Variants in GAPVD1 observed in about 807,000 individuals in gnomAD.
GAPVD1 encodes the protein GTPase activating protein and VPS9 domains 1, also known as GTPase-activating protein and VPS9 domain-containing protein 1.
In GAPVD1, 35 loss-of-function variants were observed where a neutral mutation model predicts 155.5. The ratio of observed to expected loss-of-function variants is 0.23; its 90% CI spans 0.17 to 0.30. The LOEUF (loss-of-function observed/expected upper bound fraction) is 0.30. Ranked by LOEUF, GAPVD1 falls within the 10% of genes least tolerant of loss-of-function variation. The probability of loss-of-function intolerance (pLI) is 1.00; values close to 1 mark genes in which losing one functional copy is unlikely to be tolerated. For missense variants in GAPVD1, 1,429 were observed against 1,775.7 expected, an observed-to-expected ratio of 0.80 and a Z score of 3.51; for synonymous variants, 636 against 619.7, an observed-to-expected ratio of 1.03 and a Z score of -0.39.
In GAPVD1 at chr9:125,367,167, A is replaced by G. The variant is rs921965310; in HGVS notation, c.*4421A>G. 1 of 152,218 alleles carries G rather than the reference A, an allele frequency of 6.6e-6. No individual in the cohort carries two copies. The highest frequency in any genetic ancestry group is 2.4e-5 in the African/African-American group (1 of 41,462). 9.4% of individuals were successfully genotyped at this position (152,218 alleles called of 1,614,324 possible). ...TGTGATTAGTACTGTAAAATATTCT[A>G]TAAAACTGATTAAAAGGGGAGAGCA... On this transcript the variant is annotated 3_prime_UTR_variant, in exon 28 of 28. Transcript: ENST00000297933.
chr9:125,338,949 GTGTGTGTGTATA>G (rs893985315), intron 17 of GAPVD1, among the ~76,000 whole-genome samples: 17 of 149,456 alleles, frequency 1.1e-4, no homozygotes, highest in African/African-American at 3.7e-4. Context: ...GTGTGTGTGT[GTGTGTGTGTATA>G]TATATTTTTT....
At chr9:125,293,493 A>G (rs1838930381) in intron 2 of GAPVD1, among the ~76,000 whole-genome samples, 1 of 146,976 alleles carries the variant, frequency 6.8e-6, no homozygotes, top group Admixed American at 7.0e-5. Context: ...CTTGTTGGCC[A>G]GGCTGGAGTG....
At chr9:125,309,093 A>G (rs1467453468) in intron 8 of GAPVD1, 1 of 152,150 alleles carries the variant, frequency 6.6e-6, no homozygotes, top group African/African-American at 2.4e-5. Flanking sequence ...GTTCTTTTTA[A>G]TTTATGCATT....
intron 9 of GAPVD1, among the ~76,000 whole-genome samples, chr9:125,314,328 A>C (rs1236195112): frequency 6.6e-6 from 1 of 152,182 alleles, no homozygotes; most frequent in Admixed American, 6.6e-5. Flanking sequence ...AATCATTTTT[A>C]ATATATTTGT....
At chr9:125,267,476 A>G (rs939657440) in intron 1 of GAPVD1, among the ~76,000 whole-genome samples, 4 of 152,048 alleles carry the variant, frequency 2.6e-5, no homozygotes, top group Admixed American at 6.6e-5. Context: ...CTGGAGTACA[A>G]TGGCACAATC....
At chr9:125,358,544 G>A (rs1294065731) in intron 25 of GAPVD1, among the ~76,000 whole-genome samples, 1 of 152,212 alleles carries the variant, frequency 6.6e-6, no homozygotes, top group East Asian at 1.9e-4. Flanking sequence ...TCCTCGGGGT[G>A]TGGGTTATGT....
chr9:125,341,241 G>C lies in GAPVD1; in HGVS notation c.2942G>C (p.Arg981Pro). The change falls in exon 18 of 28, where the codon CGT becomes CCT. Residue 981 changes from arginine to proline, a missense_variant. Arg to Pro is a moderately radical substitution (Grantham distance 103). Around this residue, in one of 4 missense-constraint regions of GAPVD1, gnomAD observed 699 missense variants for 826.0 expected, o/e 0.85. Transcript: ENST00000297933. ...SDRNRPWWRK[R>P]FVSAMPKAPI... is the part of the protein sequence containing the mutation. ...AGGAACAGACCTTGGTGGAGAAAAC[G>C]TTTTGTTTCAGCCATGCCTAAAGGT... The C allele has an allele frequency of 3.8e-6, 6 of 1,585,742 alleles. No individual in the cohort carries two copies. Among genetic ancestry groups the C allele is most frequent in the Non-Finnish European group, 5.2e-6 (6 of 1,157,518 alleles).
In GAPVD1 at chr9:125,317,372, T is replaced by C. The variant is rs182912589; in HGVS notation, c.1603-4061T>C. Among the ~76,000 whole-genome samples the C allele has an allele frequency of 1.8e-3, 275 of 150,062 alleles. 5 individuals are homozygous for C. Among genetic ancestry groups the C allele is most frequent in the Admixed American group, 0.014 (206 of 15,078 alleles). On this transcript the variant is annotated intron_variant, in intron 9 of 27. Transcript: ENST00000297933. Reference sequence around the variant, plus strand: ...GCCGGGCGGTGGCTCACGCCTGTAATCCCAGCACTCTGGGAGGCTGAGGTG... The same window carrying C: ...GCCGGGCGGTGGCTCACGCCTGTAACCCCAGCACTCTGGGAGGCTGAGGTG...
At chr9:125,361,159 G>A (rs1003784229) in intron 27 of GAPVD1, among the ~76,000 whole-genome samples, 6 of 152,038 alleles carry the variant, frequency 3.9e-5, no homozygotes, top group Admixed American at 2.6e-4. Context: ...ATGAGCCACC[G>A]CGCCCAGCCA....
intron 11 of GAPVD1, 77 bp downstream of exon 11, chr9:125,324,000 A>G (rs1299920128): frequency 7.5e-7 from 1 of 1,340,230 alleles, no homozygotes; most frequent in Non-Finnish European, 1.0e-6. Context: ...TGTTTTCATT[A>G]AGTTGGCTTG....
At chr9:125,284,484 T>C (rs1233300674) in intron 2 of GAPVD1, among the ~76,000 whole-genome samples, 1 of 151,866 alleles carries the variant, frequency 6.6e-6, no homozygotes, top group Non-Finnish European at 1.5e-5. Flanking sequence ...GGCAACTTTT[T>C]TTTTTTTTAA....
In GAPVD1 at chr9:125,367,083, C is replaced by T. The variant is rs1186204572; in HGVS notation, c.*4337C>T. 1 of 152,200 alleles carries T rather than the reference C, an allele frequency of 6.6e-6. No homozygotes were observed. Among genetic ancestry groups the T allele is most frequent in the Non-Finnish European group, 1.5e-5 (1 of 68,042 alleles). 9.4% of individuals were successfully genotyped at this position (152,200 alleles called of 1,614,324 possible). On this transcript the variant is annotated 3_prime_UTR_variant, in exon 28 of 28. Transcript: ENST00000297933. ...AAACAGATAAAACCTTTCTATAAGT[C>T]TCAATTAATGAGCTTGCACAATCTT...
At chr9:125,349,625 G>C (rs1171032711) in intron 21 of GAPVD1, 106 bp downstream of exon 21, 2 of 946,506 alleles carry the variant, frequency 2.1e-6, no homozygotes, top group Non-Finnish European at 3.2e-6. Context: ...ATAAAGCAGG[G>C]AGAGAAAAAT....
At chr9:125,332,084 G>C in intron 14 of GAPVD1, 24 bp downstream of exon 14, 1 of 1,611,844 alleles carries the variant, frequency 6.2e-7, no homozygotes, top group Non-Finnish European at 8.5e-7. Flanking sequence ...GTTTTAAGGA[G>C]TAGGGATTTG....
intron 9 of GAPVD1, among the ~76,000 whole-genome samples, chr9:125,313,434 G>C (rs12335640): frequency 1.5e-4 from 23 of 151,780 alleles, no homozygotes; most frequent in African/African-American, 5.6e-4. Context: ...CTCCCAAGTA[G>C]CTGGGACTAC....
At chr9:125,262,739 G>C (rs1381267085) in intron 1 of GAPVD1, among the ~76,000 whole-genome samples, 4 of 152,152 alleles carry the variant, frequency 2.6e-5, no homozygotes, top group African/African-American at 9.7e-5. Context: ...TTCATTGATG[G>C]ATAGAATTAG....
intron 8 of GAPVD1, among the ~76,000 whole-genome samples, chr9:125,311,996 A>G (rs1259745968): frequency 6.6e-6 from 1 of 152,252 alleles, no homozygotes. Context: ...CTAGGATTAC[A>G]GGAGTAATCC....
Position 125,362,937 on chromosome 9 carries a change from C to T in GAPVD1, c.*191C>T. On this transcript the variant is annotated 3_prime_UTR_variant, in exon 28 of 28. Transcript: ENST00000297933. Reference sequence around the variant, plus strand: ...GGTTCTCTCGTCTTTGGGCTCTTTCCTTTCTGAGTTGCATATTCTATTTTC... The same window carrying T: ...GGTTCTCTCGTCTTTGGGCTCTTTCTTTTCTGAGTTGCATATTCTATTTTC... The T allele has an allele frequency of 2.6e-6, 1 of 379,574 alleles. No individual in the cohort carries two copies. The allele number at this position is 379,574 out of a possible 1,614,324, so 23.5% of individuals were successfully genotyped here. A position where few individuals can be genotyped will look rare whatever the true frequency, so the allele number is the denominator to read the frequency against.
rs1180770682 is a variant in GAPVD1 at position 125,362,753 on chromosome 9, C to G, written c.*7C>G. ...CATCGATGACCGAAAGTGACCAAGA[C>G]CAAGGCCCACCAAGGCAGCAGACTG... On this transcript the variant is annotated 3_prime_UTR_variant, in exon 28 of 28. Transcript: ENST00000297933. 1 of 1,611,146 alleles carries G rather than the reference C, an allele frequency of 6.2e-7. No individual in the cohort carries two copies.
Sources: allele counts gnomAD v4.1 joint callset (sites outside exome capture counted in the v4.1 genomes callset), GRCh38; gene constraint gnomAD v4.1.1; regional missense constraint gnomAD v4.1.1; transcripts MANE v1.5; gene names NCBI Gene and HGNC (gene_info 2026-07-23, HGNC 2026-07-21).